Variants in CAPN11 observed in about 807,000 individuals in gnomAD.
CAPN11 encodes the protein calpain-11.
CAPN11 carries 108 observed loss-of-function variants against 105.3 expected under a neutral mutation model. That is an observed-to-expected ratio of 1.03 (90% CI 0.88 to 1.20). CAPN11 has a LOEUF of 1.20. Ranked by LOEUF, CAPN11 falls within the 50% of genes most tolerant of loss-of-function variation. The pLI, the probability that CAPN11 is intolerant of heterozygous loss-of-function variation, is 0.00. For synonymous variants in CAPN11, 329 were observed against 344.5 expected, an observed-to-expected ratio of 0.96 and a Z score of 0.50; for missense variants, 883 against 924.8, an observed-to-expected ratio of 0.95 and a Z score of 0.59.
intron 14 of CAPN11, 122 bp downstream of exon 14, chr6:44,180,285 G>C (rs1416123047): frequency 1.1e-6 from 1 of 909,954 alleles, no homozygotes; most frequent in Non-Finnish European, 1.7e-6. Context: ...GGGAAACTGA[G>C]GCATGAGAAG....
chr6:44,176,809 T>C, intron 10 of CAPN11, 29 bp from the exon 11 acceptor site: 1 of 1,612,556 alleles, frequency 6.2e-7, no homozygotes, highest in Non-Finnish European at 8.5e-7. Context: ...AGTGTGCTGC[T>C]GACGGGCTCC....
chr6:44,159,742 A>T (rs1481515477), intron 1 of CAPN11, among the ~76,000 whole-genome samples: 1 of 151,740 alleles, frequency 6.6e-6, no homozygotes, highest in Non-Finnish European at 1.5e-5. Flanking sequence ...ATTTTTTTTT[A>T]AAGTTCCCTG....
intron 4 of CAPN11, among the ~76,000 whole-genome samples, chr6:44,171,228 A>G (rs1770937976): frequency 6.6e-6 from 1 of 152,108 alleles, no homozygotes; most frequent in Admixed American, 6.5e-5. Flanking sequence ...CTGCCCCTGG[A>G]CCCCACCCAG....
At chr6:44,173,542 C>T (rs946541643) in intron 7 of CAPN11, among the ~76,000 whole-genome samples, 156 bp downstream of exon 7, 2 of 151,160 alleles carry the variant, frequency 1.3e-5, no homozygotes, top group African/African-American at 2.4e-5. Context: ...TCTAAAGTCG[C>T]CGTCCCCACC....
Position 44,181,467 on chromosome 6 carries a change from ACTC to A in CAPN11, c.1938+148_1938+150del, listed in dbSNP as rs1561853890. On this transcript the variant is annotated intron_variant, in intron 19 of 22. Transcript: ENST00000398776. ...ACCACACTCACACACACACACACACACTCACATACAGACACAACCACACCACAC... is the reference window on the plus strand; with the variant it reads ...ACCACACTCACACACACACACACACAACATACAGACACAACCACACCACAC... 6.1e-4 allele frequency: 156 copies of A among 256,834 alleles called. 24 individuals carry two copies. Among genetic ancestry groups the A allele is most frequent in the African/African-American group, 1.3e-3 (28 of 22,106 alleles). The allele number at this position is 256,834 out of a possible 1,614,324, so 15.9% of individuals were successfully genotyped here. A position where few individuals can be genotyped will look rare whatever the true frequency, so the allele number is the denominator to read the frequency against.
intron 7 of CAPN11, among the ~76,000 whole-genome samples, chr6:44,173,782 T>C (rs1771459963): frequency 6.6e-6 from 1 of 151,848 alleles, no homozygotes; most frequent in South Asian, 2.1e-4. Context: ...AGGGGTTTTG[T>C]CATGTTGGCC....
chr6:44,174,283 T>C (rs1414366055), intron 7 of CAPN11, among the ~76,000 whole-genome samples: 1 of 152,130 alleles, frequency 6.6e-6, no homozygotes, highest in Non-Finnish European at 1.5e-5. Context: ...AAACAAACTG[T>C]TTATTACACA....
At chr6:44,183,265 C>A in intron 21 of CAPN11, 30 bp downstream of exon 21, 1 of 1,457,988 alleles carries the variant, frequency 6.9e-7, no homozygotes, top group Non-Finnish European at 9.6e-7. Flanking sequence ...ACTCCCCAGC[C>A]TAGGCCAGGG....
At chr6:44,179,779 C>T (rs758780402) in intron 13 of CAPN11, 149 bp downstream of exon 13, 44 of 974,208 alleles carry the variant, frequency 4.5e-5, no homozygotes, top group African/African-American at 2.7e-4. Flanking sequence ...TGGTAGGGGT[C>T]GGGAAAGGAA....
chr6:44,169,861 A>G, intron 3 of CAPN11, 45 bp from the exon 4 acceptor site: 11 of 1,410,362 alleles, frequency 7.8e-6, no homozygotes, highest in Non-Finnish European at 9.9e-6. Flanking sequence ...AAAGGTGGGG[A>G]GGGGGTGTCC....
intron 5 of CAPN11, 94 bp from the exon 6 acceptor site, chr6:44,172,827 TCAGTGATTCTGGAGAGTGG>T: frequency 8.1e-7 from 1 of 1,231,944 alleles, no homozygotes; most frequent in Non-Finnish European, 1.1e-6. Context: ...CCCTCTCTAT[TCAGTGATTCTGGAGAGTGG>T]AGCCTCTGAC....
At position 44,169,438 on chromosome 6, in the gene CAPN11, C is replaced by T; in HGVS notation, c.246C>T (p.Asp82=). Residue 82 remains aspartate, a synonymous_variant, in exon 3 of 23, where the codon GAC becomes GAT. Coordinates refer to ENST00000398776, the MANE Select transcript of CAPN11 (RefSeq NM_007058.4). ...ACLRKGELFE[D]PLFPAEPSSL... is the part of the protein sequence containing the mutation. ...TAAGAAAGGGGGAGCTCTTCGAGGA[C>T]CCCTTATTCCCTGCTGAACCCAGCT... 1.9e-6 allele frequency: 3 copies of T among 1,612,968 alleles called. No individual in the cohort carries two copies. In the South Asian group the frequency reaches 3.3e-5, roughly 18 times the overall value.
chr6:44,159,848 A>T (rs1454371235), intron 1 of CAPN11, among the ~76,000 whole-genome samples: 1 of 152,066 alleles, frequency 6.6e-6, no homozygotes, highest in Non-Finnish European at 1.5e-5. Flanking sequence ...AAAATCACTG[A>T]GAGAGGCCAG....
At chr6:44,179,881 G>C in intron 13 of CAPN11, 71 bp from the exon 14 acceptor site, 1 of 1,267,310 alleles carries the variant, frequency 7.9e-7, no homozygotes, top group South Asian at 1.2e-5. Context: ...CGGCCAGGCT[G>C]TTCACCCTGG....
At position 44,177,271 on chromosome 6, in the gene CAPN11, A is replaced by T; in HGVS notation, c.1267A>T (p.Ile423Phe). 6.2e-7 allele frequency: 1 copy of T among 1,605,212 alleles called. No homozygotes were observed. The highest frequency in any genetic ancestry group is 8.5e-7 in the Non-Finnish European group (1 of 1,175,900). The change falls in exon 12 of 23, where the codon ATC (isoleucine) becomes TTC (phenylalanine). Residue 423 changes from isoleucine (I) to phenylalanine (F), a missense_variant. Coordinates refer to ENST00000398776, the MANE Select transcript of CAPN11 (RefSeq NM_007058.4). ...GTTCTGGACCAACCCCCAGTTTAAG[A>T]TCTCTCTTCCTGAGGGGGATGACCC... ...GTFWTNPQFK[I>F]SLPEGDDPED...
intron 19 of CAPN11, 129 bp downstream of exon 19, chr6:44,181,449 T>TCACACACACACACACA (rs150427721): frequency 3.5e-6 from 1 of 286,592 alleles, no homozygotes; most frequent in African/African-American, 5.0e-5. Context: ...CACACCACAC[T>TCACACACACACACACA]CACACACACA....
chr6:44,169,346 G>C lies in CAPN11; in HGVS notation c.154G>C (p.Val52Leu). The C allele has an allele frequency of 6.2e-7, 1 of 1,613,972 alleles. No individual in the cohort carries two copies. The highest frequency in any genetic ancestry group is 8.5e-7 in the Non-Finnish European group (1 of 1,179,872). The change falls in exon 3 of 23, where the codon GTG becomes CTG. Residue 52 changes from valine (V) to leucine (L), a missense_variant. Transcript: ENST00000398776. Reference protein sequence around the residue: ...INNSRLKAKGVGQHDNAQNFG... With the variant: ...INNSRLKAKGLGQHDNAQNFG... ...CAACAGCCGGCTCAAGGCCAAGGGC[G>C]TGGGCCAGCACGACAACGCCCAGAA...
At position 44,160,595 on chromosome 6, in the gene CAPN11, C is replaced by T. The variant is rs183956646; in HGVS notation, c.16+1731C>T. Among the ~76,000 whole-genome samples, 944 of 152,198 alleles carry T rather than the reference C, an allele frequency of 6.2e-3. 6 individuals are homozygous for T. Among genetic ancestry groups the T allele is most frequent in the Middle Eastern group, 0.01 (3 of 294 alleles). On this transcript the variant is annotated intron_variant, in intron 1 of 22. Transcript: ENST00000398776. ...TCGCTCCACTGCACTCCAGCCTGGG[C>T]GACAGAGTGAGACTCCGCCTCAAAA...
rs1187942061 is a variant in CAPN11, at chr6:44,172,996, G to A, written c.585G>A (p.Lys195=). 2 of 1,613,110 alleles carry A rather than the reference G, an allele frequency of 1.2e-6. No individual in the cohort carries two copies. Among genetic ancestry groups the A allele is most frequent in the Non-Finnish European group, 8.5e-7 (1 of 1,179,582 alleles). ...NVVVDDRLPT[K]NDKLVFVHST... ...TGGTAGATGACCGGCTGCCCACAAAGAATGACAAGCTGGTGTTTGTGCACT... is the reference window on the plus strand; with the variant it reads ...TGGTAGATGACCGGCTGCCCACAAAAAATGACAAGCTGGTGTTTGTGCACT... The change falls in exon 6 of 23, where the codon AAG becomes AAA. Residue 195 remains lysine, a synonymous_variant. Transcript: ENST00000398776.
Sources: allele counts gnomAD v4.1 joint callset (sites outside exome capture counted in the v4.1 genomes callset), GRCh38; gene constraint gnomAD v4.1.1; transcripts MANE v1.5; gene names NCBI Gene and HGNC (gene_info 2026-07-23, HGNC 2026-07-21).